The following CATSPERB variants were observed in gnomAD, a reference collection of about 807,000 sequenced individuals.
The protein encoded by CATSPERB is catsper channel auxiliary subunit beta, also known as cation channel sperm-associated auxiliary subunit beta.
Under a neutral mutation model 128.3 loss-of-function variants are expected in CATSPERB, and 93 were observed. That is an observed-to-expected ratio of 0.72 (90% CI 0.61 to 0.86). The LOEUF is 0.86. CATSPERB is among the 40% of genes least tolerant of loss of function. CATSPERB has a pLI of 0.00. For synonymous variants in CATSPERB, 381 were observed against 448.8 expected, an observed-to-expected ratio of 0.85 and a Z score of 1.91; for missense variants, 1,153 against 1,329.5, an observed-to-expected ratio of 0.87 and a Z score of 2.06.
chr14:91,716,585 C>CCAAA lies in CATSPERB; in HGVS notation c.370+2829_370+2832dup, dbSNP rs770644086. 1.1e-4 allele frequency among the ~76,000 whole-genome samples: 17 copies of CCAAA among 152,022 alleles called. No homozygotes were observed. The East Asian group carries it at 1.4e-3, about 12-fold the overall frequency. ...AGAGCAGATTTCGTCTCAAAAAAAT[C>CCAAA]CAAACAAATAAACAAACAAACAAAC... On this transcript the variant is annotated intron_variant, in intron 5 of 26. Transcript: ENST00000256343.
At chr14:91,586,147 T>C (rs1484205368) in intron 26 of CATSPERB, among the ~76,000 whole-genome samples, 1 of 152,196 alleles carries the variant, frequency 6.6e-6, no homozygotes, top group African/African-American at 2.4e-5. Flanking sequence ...ATATGCAGCT[T>C]CTTCCTGGTG....
chr14:91,674,915 T>G (rs924440958), intron 11 of CATSPERB, among the ~76,000 whole-genome samples: 15 of 152,320 alleles, frequency 9.8e-5, no homozygotes, highest in African/African-American at 3.6e-4. Context: ...CCACCCCAAG[T>G]TCCCCCTTCT....
intron 15 of CATSPERB, among the ~76,000 whole-genome samples, chr14:91,639,996 C>T (rs1171813885): frequency 1.3e-5 from 2 of 152,034 alleles, no homozygotes; most frequent in Non-Finnish European, 2.9e-5. Context: ...TTAAATCCAT[C>T]TTTAGATGGA....
intron 3 of CATSPERB, among the ~76,000 whole-genome samples, chr14:91,723,818 C>A (rs984189207): frequency 1.7e-4 from 26 of 149,548 alleles, no homozygotes; most frequent in African/African-American, 5.6e-4. Flanking sequence ...ACTCTCTGCC[C>A]CTGTGGAATT....
At chr14:91,691,490 C>T in intron 10 of CATSPERB, 33 bp downstream of exon 10, 2 of 1,534,230 alleles carry the variant, frequency 1.3e-6, no homozygotes, top group South Asian at 1.3e-5. Flanking sequence ...CACATATCTT[C>T]TAACCAGCCC....
rs754078393 is a variant in CATSPERB at position 91,636,559 on chromosome 14, C to A, written c.1608G>T (p.Glu536Asp). 6.2e-7 allele frequency: 1 copy of A among 1,613,568 alleles called. No individual in the cohort carries two copies. The change falls in exon 17 of 27, where the codon GAG becomes GAT. Residue 536 changes from glutamate (E) to aspartate (D), a missense_variant. Glu to Asp is a conservative substitution (Grantham distance 45). Coordinates refer to ENST00000256343, the MANE Select transcript of CATSPERB (RefSeq NM_024764.4). ...LFGQPPDMGF[E>D]TALAPQHTSL... ...AGGTGTGCTGTGGGGCAAGCGCAGT[C>A]TCAAAGCCCATATCTGGAGGCTGGA...
chr14:91,607,321 C>T (rs1344290675), intron 22 of CATSPERB, among the ~76,000 whole-genome samples: 1 of 151,972 alleles, frequency 6.6e-6, no homozygotes, highest in East Asian at 1.9e-4. Context: ...GGAGGGGAGA[C>T]AGTGGAGATG....
chr14:91,708,633 T>C (rs1669673312), intron 5 of CATSPERB, among the ~76,000 whole-genome samples: 1 of 151,794 alleles, frequency 6.6e-6, no homozygotes, highest in Non-Finnish European at 1.5e-5. Context: ...ATAGTGGAGA[T>C]AAAATGGAAT....
intron 6 of CATSPERB, among the ~76,000 whole-genome samples, 157 bp downstream of exon 6, chr14:91,707,984 A>C (rs1306937430): frequency 6.6e-6 from 1 of 151,998 alleles, no homozygotes; most frequent in African/African-American, 2.4e-5. Flanking sequence ...TCTTTATCCT[A>C]TCAGATTGTG....
At chr14:91,619,149 C>T (rs1250004253) in intron 19 of CATSPERB, among the ~76,000 whole-genome samples, 2 of 152,070 alleles carry the variant, frequency 1.3e-5, no homozygotes, top group Non-Finnish European at 1.5e-5. Flanking sequence ...TACAATGGAA[C>T]AGATCCTAAA....
intron 10 of CATSPERB, 89 bp from the exon 11 acceptor site, chr14:91,684,032 G>A (rs1441347173): frequency 9.4e-6 from 8 of 846,906 alleles, no homozygotes; most frequent in Non-Finnish European, 1.3e-5. Flanking sequence ...AAATTTCAAA[G>A]TTTGATAGTT....
rs896799490 is a variant in CATSPERB, at chr14:91,611,203, C to T, written c.2401-526G>A. On this transcript the variant is annotated intron_variant, in intron 20 of 26. Coordinates refer to ENST00000256343, the MANE Select transcript of CATSPERB (RefSeq NM_024764.4). ...TGACAGAAGTAGAAAAATATTTGACCATAAAGATCTGTTTGAGAATAAATC... is the reference window on the plus strand; with the variant it reads ...TGACAGAAGTAGAAAAATATTTGACTATAAAGATCTGTTTGAGAATAAATC... Among the ~76,000 whole-genome samples, 4 of 152,066 alleles carry T rather than the reference C, an allele frequency of 2.6e-5. No homozygotes were observed. The East Asian group carries it at 5.8e-4, about 22-fold the overall frequency.
At position 91,608,323 on chromosome 14, in the gene CATSPERB, TG is replaced by T; in HGVS notation, c.2679del (p.Ile894TyrfsTer81). On this transcript the variant is annotated frameshift_variant, in exon 22 of 27. Coordinates refer to ENST00000256343, the MANE Select transcript of CATSPERB (RefSeq NM_024764.4). LOFTEE classifies it high-confidence loss of function. ...GACATGTGAAACATGTTTCTTGGTA[TG>T]GGTTTGCTAGGATCTGCATGATAAA... ...DNFYHADPSKPIPRNMFHMSK... is the reference protein window; with the variant it reads ...DNFYHADPSKXIPRNMFHMSK... 6.2e-7 allele frequency: 1 copy of T among 1,610,390 alleles called. No homozygotes were observed.
Position 91,722,635 on chromosome 14 carries a change from T to C in CATSPERB, c.309+414A>G, listed in dbSNP as rs112786055. 3.4e-3 allele frequency among the ~76,000 whole-genome samples: 513 copies of C among 152,284 alleles called. 2 individuals are homozygous for C. The highest frequency in any genetic ancestry group is 0.012 in the African/African-American group (485 of 41,570). ...CTAAAAACTATTTAAGTGCACACTT[T>C]AAATGAGTGAACTGTATGGAATTAT... On this transcript the variant is annotated intron_variant, in intron 4 of 26. Coordinates refer to ENST00000256343, the MANE Select transcript of CATSPERB (RefSeq NM_024764.4).
chr14:91,679,075 G>C (rs901207229), intron 11 of CATSPERB, among the ~76,000 whole-genome samples: 1 of 152,108 alleles, frequency 6.6e-6, no homozygotes, highest in Non-Finnish European at 1.5e-5. Context: ...AATGCTTGCA[G>C]GTAAACTTTA....
At chr14:91,665,065 TA>T (rs1566723621) in intron 14 of CATSPERB, among the ~76,000 whole-genome samples, 1 of 151,936 alleles carries the variant, frequency 6.6e-6, no homozygotes, top group African/African-American at 2.4e-5. Context: ...AATTTTTTTT[TA>T]TTTTTTGGTG....
intron 14 of CATSPERB, among the ~76,000 whole-genome samples, chr14:91,664,369 G>A (rs573461636): frequency 6.9e-6 from 1 of 145,576 alleles, no homozygotes; most frequent in African/African-American, 2.5e-5. Flanking sequence ...CAGTTCAAGC[G>A]ATTCTCCTGT....
At chr14:91,673,926 A>G (rs2139832763) in intron 12 of CATSPERB, among the ~76,000 whole-genome samples, 1 of 152,028 alleles carries the variant, frequency 6.6e-6, no homozygotes, top group East Asian at 1.9e-4. Flanking sequence ...CTTCTGAGGG[A>G]TATGAGCCCA....
At chr14:91,702,169 C>T (rs1264016989) in intron 7 of CATSPERB, among the ~76,000 whole-genome samples, 1 of 151,810 alleles carries the variant, frequency 6.6e-6, no homozygotes, top group Non-Finnish European at 1.5e-5. Flanking sequence ...AATGACCGCT[C>T]TCCTATGGCT....
Sources: gnomAD v4.1 joint callset for allele counts (sites outside exome capture counted in the v4.1 genomes callset) on GRCh38, gnomAD v4.1.1 for gene constraint, MANE v1.5 for transcripts, NCBI Gene and HGNC (gene_info 2026-07-23, HGNC 2026-07-21) for gene names.